Variants in TIAM1 observed in about 807,000 individuals in gnomAD.
The protein encoded by TIAM1 is TIAM Rac1 associated GEF 1, also known as rho guanine nucleotide exchange factor TIAM1.
In TIAM1, 65 loss-of-function variants were observed where a neutral mutation model predicts 163.5. The ratio of observed to expected loss-of-function variants is 0.40; its 90% CI spans 0.33 to 0.49. The LOEUF is 0.49. Among genes scored for constraint, TIAM1 ranks in the 20% least tolerant of loss-of-function variants. The pLI, the probability that TIAM1 is intolerant of heterozygous loss-of-function variation, is 0.77. For missense variants in TIAM1, 1,789 were observed against 2,044.7 expected, an observed-to-expected ratio of 0.87 and a Z score of 2.41; for synonymous variants, 833 against 810.1, an observed-to-expected ratio of 1.03 and a Z score of -0.48.
chr21:31,191,671 G>A (rs192015075), intron 13 of TIAM1, among the ~76,000 whole-genome samples: 31 of 152,268 alleles, frequency 2.0e-4, no homozygotes, highest in South Asian at 8.3e-4. Context: ...TCTTTACATC[G>A]GATGAGTTGG....
intron 2 of TIAM1, among the ~76,000 whole-genome samples, chr21:31,392,040 C>A (rs2076973528): frequency 6.6e-6 from 1 of 152,148 alleles, no homozygotes; most frequent in African/African-American, 2.4e-5. Context: ...GATAATTCTG[C>A]CTAACTGTAG....
chr21:31,455,765 A>T (rs1276135525), intron 2 of TIAM1, among the ~76,000 whole-genome samples: 3 of 152,234 alleles, frequency 2.0e-5, no homozygotes, highest in Non-Finnish European at 2.9e-5. Flanking sequence ...AAAAATTATC[A>T]GGCAAACCAA....
chr21:31,515,919 G>A (rs768808359), intron 1 of TIAM1, among the ~76,000 whole-genome samples: 4 of 144,802 alleles, frequency 2.8e-5, no homozygotes, highest in Non-Finnish European at 6.1e-5. Flanking sequence ...ACCAGCCTGG[G>A]CAACATGGCA....
chr21:31,324,464 C>T (rs896287078), intron 2 of TIAM1, among the ~76,000 whole-genome samples: 6 of 152,308 alleles, frequency 3.9e-5, no homozygotes, highest in East Asian at 1.9e-4. Context: ...GTAAGTCAGA[C>T]GCTGAAGAAG....
chr21:31,488,697 C>T (rs951260431), intron 1 of TIAM1, among the ~76,000 whole-genome samples: 2 of 151,930 alleles, frequency 1.3e-5, no homozygotes, highest in African/African-American at 2.4e-5. Context: ...TTATTCACTA[C>T]CAGAACAGTA....
Position 31,537,627 on chromosome 21 carries a change from G to A in TIAM1, c.-422+21300C>T, listed in dbSNP as rs559765097. Among the ~76,000 whole-genome samples, 14 of 151,948 alleles carry A rather than the reference G, an allele frequency of 9.2e-5. No individual in the cohort carries two copies. The South Asian group carries it at 2.5e-3, about 27-fold the overall frequency. On this transcript the variant is annotated intron_variant, in intron 1 of 28. Coordinates refer to the TIAM1 transcript ENST00000286827. The stretch of plus-strand genomic sequence containing the variant: ...ATTGCCCAGGCATGGTGGTGGATGC[G>A]TGTATTCCCAGCTACTTGAAAGGCT...
chr21:31,403,818 T>C (rs1003003500), intron 2 of TIAM1, among the ~76,000 whole-genome samples: 5 of 152,012 alleles, frequency 3.3e-5, no homozygotes, highest in African/African-American at 1.2e-4. Flanking sequence ...AAAAATGAAT[T>C]AGACAGTCCC....
At chr21:31,399,813 C>G (rs1403847637) in intron 2 of TIAM1, among the ~76,000 whole-genome samples, 1 of 152,164 alleles carries the variant, frequency 6.6e-6, no homozygotes, top group Non-Finnish European at 1.5e-5. Context: ...TCATCAAAGC[C>G]AATATACCAG....
At chr21:31,213,319 G>T in intron 10 of TIAM1, 79 bp downstream of exon 10, 1 of 1,242,412 alleles carries the variant, frequency 8.0e-7, no homozygotes, top group Non-Finnish European at 1.1e-6. Context: ...AATTTTAGTA[G>T]CTCAAGACAA....
intron 2 of TIAM1, among the ~76,000 whole-genome samples, chr21:31,285,228 C>T (rs182360646): frequency 1.3e-5 from 2 of 152,300 alleles, no homozygotes; most frequent in East Asian, 3.9e-4. Context: ...CCTTCGCACA[C>T]AGAGGGGTGT....
chr21:31,341,806 CAG>C (rs2076028259), intron 1 of TIAM1, among the ~76,000 whole-genome samples: 1 of 152,178 alleles, frequency 6.6e-6, no homozygotes, highest in Admixed American at 6.5e-5. Context: ...CCTTTTTCGA[CAG>C]AGTTCCACTG....
chr21:31,383,059 G>A (rs977989855), intron 2 of TIAM1, among the ~76,000 whole-genome samples: 5 of 152,178 alleles, frequency 3.3e-5, no homozygotes, highest in African/African-American at 1.2e-4. Flanking sequence ...GGCCAACATG[G>A]TGAAACCCCG....
intron 2 of TIAM1, among the ~76,000 whole-genome samples, chr21:31,416,508 A>C (rs1443150767): frequency 6.6e-6 from 1 of 152,032 alleles, no homozygotes; most frequent in Non-Finnish European, 1.5e-5. Context: ...AGAATCCATT[A>C]TATCACTCTT....
At position 31,210,087 on chromosome 21, in the gene TIAM1, C is replaced by T. The variant is rs1365909858; in HGVS notation, c.2346G>A (p.Arg782=). 1 of 1,614,062 alleles carries T rather than the reference C, an allele frequency of 6.2e-7. No individual in the cohort carries two copies. The highest frequency in any genetic ancestry group is 1.7e-5 in the Admixed American group (1 of 60,010). The part of the protein sequence containing the change: ...PNNQPALTVV[R]PGDTARDTLE... ...GGGTGTCCCGTGCAGTGTCGCCTGG[C>T]CGGACGACCGTCAGGGCAGGCTGAT... The change falls in exon 11 of 28, where the codon CGG becomes CGA. Residue 782 remains arginine (R), a synonymous_variant. Transcript: ENST00000541036.
At chr21:31,292,997 T>C (rs1212990076) in intron 2 of TIAM1, among the ~76,000 whole-genome samples, 1 of 152,124 alleles carries the variant, frequency 6.6e-6, no homozygotes, top group African/African-American at 2.4e-5. Context: ...CTCATTTTTG[T>C]ATTTGTAGTA....
intron 2 of TIAM1, among the ~76,000 whole-genome samples, chr21:31,391,391 G>A (rs762786852): frequency 4.6e-5 from 7 of 152,232 alleles, no homozygotes; most frequent in East Asian, 1.9e-4. Context: ...TTGGGAGGCC[G>A]AGACAGGCAG....
intron 2 of TIAM1, among the ~76,000 whole-genome samples, chr21:31,445,173 AC>A (rs2044576655): frequency 1.8e-4 from 1 of 5,598 alleles, no homozygotes; most frequent in African/African-American, 1.5e-3. Context: ...AATGTGAGAA[AC>A]AGTCTATGAT....
chr21:31,232,870 T>C (rs1184346015), intron 6 of TIAM1, among the ~76,000 whole-genome samples: 1 of 151,914 alleles, frequency 6.6e-6, no homozygotes, highest in Non-Finnish European at 1.5e-5. Flanking sequence ...AGAGAGGGAA[T>C]TCTGTGATTC....
intron 2 of TIAM1, among the ~76,000 whole-genome samples, chr21:31,430,228 ATATATAT>A (rs2043966704): frequency 4.3e-4 from 24 of 55,502 alleles, no homozygotes; most frequent in African/African-American, 2.2e-3. Context: ...AAAAAAAAAT[ATATATAT>A]ATATATATAT....
Sources: gnomAD v4.1 joint callset for allele counts (sites outside exome capture counted in the v4.1 genomes callset) on GRCh38, gnomAD v4.1.1 for gene constraint, MANE v1.5 for transcripts, NCBI Gene and HGNC (gene_info 2026-07-23, HGNC 2026-07-21) for gene names.